The following SCN9A variants were observed in gnomAD, a reference collection of about 807,000 sequenced individuals.
The protein encoded by SCN9A is sodium voltage-gated channel alpha subunit 9, also known as sodium channel protein type 9 subunit alpha.
Under a neutral mutation model 187.0 loss-of-function variants are expected in SCN9A, and 131 were observed. The observed-to-expected ratio is 0.70, with a 90% CI of 0.61 to 0.81. The LOEUF is 0.81. Among genes scored for constraint, SCN9A ranks in the 30% least tolerant of loss-of-function variants. SCN9A has a pLI of 0.00. For missense variants in SCN9A, 2,252 were observed against 2,396.6 expected (o/e 0.94, Z 1.26); for synonymous variants, 809 against 808.6 (o/e 1.00, Z -0.01).
chr2:166,306,917 A>G, intron 3 of SCN9A, 39 bp downstream of exon 3: 7 of 1,179,170 alleles, frequency 5.9e-6, no homozygotes, highest in Non-Finnish European at 8.7e-6. Context: ...AAATTACACC[A>G]TAAAGTGCCA....
At chr2:166,236,806 C>T (rs1264785486) in intron 20 of SCN9A, among the ~76,000 whole-genome samples, 1 of 152,128 alleles carries the variant, frequency 6.6e-6, no homozygotes, top group African/African-American at 2.4e-5. Flanking sequence ...TAACATTTTG[C>T]AGTCAGATTT....
At position 166,375,679 on chromosome 2, in the gene SCN9A, A is replaced by C. The variant is rs932798558; in HGVS notation, c.-51+18T>G. On this transcript the variant is annotated intron_variant, in intron 1 of 26. Coordinates refer to ENST00000642356, the MANE Select transcript of SCN9A (RefSeq NM_001365536.1). The stretch of plus-strand genomic sequence containing the variant: ...CTCCTCCCCTCCCCACAGAAGCAGC[A>C]AAAGAAAAGGCACTTACTTGCAACC... 2.0e-5 allele frequency: 3 copies of C among 152,388 alleles called. No homozygotes were observed. The highest frequency in any genetic ancestry group is 4.4e-5 in the Non-Finnish European group (3 of 68,204). The allele number at this position is 152,388 out of a possible 1,614,324, so 9.4% of individuals were successfully genotyped here.
intron 24 of SCN9A, chr2:166,205,294 G>C (rs1693744048): frequency 6.6e-6 from 1 of 152,310 alleles, no homozygotes; most frequent in East Asian, 1.9e-4. Flanking sequence ...AAACAGCATG[G>C]TACTGGTACC....
chr2:166,312,889 C>T (rs12994880), intron 1 of SCN9A, among the ~76,000 whole-genome samples: 95,788 of 150,414 alleles, frequency 0.64, 31,154 homozygotes, highest in African/African-American at 0.75. Flanking sequence ...TGTAAACAGA[C>T]GTGCTGTCAT....
chr2:166,251,869 C>A lies in SCN9A; in HGVS notation c.3368G>T (p.Ser1123Ile). 2 of 1,612,392 alleles carry A rather than the reference C, an allele frequency of 1.2e-6. No individual in the cohort carries two copies. Among genetic ancestry groups the A allele is most frequent in the Non-Finnish European group, 1.7e-6 (2 of 1,179,000 alleles). Reference sequence around the variant, plus strand: ...ATCAACTGTGCTGCACTCTGAGGAGCTTGACCGGTTTAATCTCTAGAAAGG... The same window carrying A: ...ATCAACTGTGCTGCACTCTGAGGAGATTGACCGGTTTAATCTCTAGAAAGG... ...EYSKVRLNRS[S>I]SSECSTVDNP... The change falls in exon 18 of 27, where the codon AGC (serine) becomes ATC (isoleucine). Residue 1123 changes from serine (S) to isoleucine (I), a missense_variant. Transcript: ENST00000642356.
At chr2:166,255,553 A>G (rs995710842) in intron 17 of SCN9A, among the ~76,000 whole-genome samples, 1 of 151,486 alleles carries the variant, frequency 6.6e-6, no homozygotes, top group Non-Finnish European at 1.5e-5. Context: ...GCTCAAAAGA[A>G]GAAACTATCA....
At chr2:166,296,349 T>A (rs975169977) in intron 7 of SCN9A, among the ~76,000 whole-genome samples, 5 of 152,162 alleles carry the variant, frequency 3.3e-5, no homozygotes, top group Non-Finnish European at 5.9e-5. Context: ...ATTGATTGAA[T>A]TACACATCAT....
Position 166,286,540 on chromosome 2 carries a change from G to A in SCN9A, c.1398C>T (p.Ser466=), listed in dbSNP as rs201531206. The A allele has an allele frequency of 1.6e-3, 2,612 of 1,610,208 alleles. 23 individuals carry two copies. Among genetic ancestry groups the A allele is most frequent in the Non-Finnish European group, 1.0e-3 (1,174 of 1,178,740 alleles). Residue 466 remains serine, a synonymous_variant, in exon 11 of 27, where the codon TCC becomes TCT. Coordinates refer to ENST00000642356, the MANE Select transcript of SCN9A (RefSeq NM_001365536.1). ...CTTTAGCACTTTTAGAGCTCAGTTT[G>A]GATGTTTCAGAAGAACTCTCTGAGA... is the stretch of plus-strand genomic sequence containing the variant. ...MGLSESSSET[S]KLSSKSAKER...
chr2:166,340,560 TTCTTTCTTTCTTTC>T (rs1559050938), intron 1 of SCN9A, among the ~76,000 whole-genome samples: 2 of 79,996 alleles, frequency 2.5e-5, no homozygotes, highest in African/African-American at 1.8e-4. Flanking sequence ...CTTTCTTTCT[TTCTTTCTTTCTTTC>T]TTTCTTTCTT....
chr2:166,198,825 A>G lies in SCN9A; in HGVS notation c.5814T>C (p.Asn1938=). 2 of 1,613,448 alleles carry G rather than the reference A, an allele frequency of 1.2e-6. No homozygotes were observed. The highest frequency in any genetic ancestry group is 1.7e-5 in the Admixed American group (1 of 59,922). Residue 1938 remains asparagine, a synonymous_variant, in exon 27 of 27, where the codon AAT becomes AAC. Transcript: ENST00000642356. ...NKKDMAFDNV[N]ENSSPEKTDA... ...CTGTTTTTTCTGGACTTGAGTTCTCATTAACATTATCAAAAGCCATATCTT... is the reference window on the plus strand; with the variant it reads ...CTGTTTTTTCTGGACTTGAGTTCTCGTTAACATTATCAAAAGCCATATCTT...
chr2:166,209,476 G>C (rs1453749647), intron 24 of SCN9A, among the ~76,000 whole-genome samples: 3 of 151,792 alleles, frequency 2.0e-5, no homozygotes, highest in Non-Finnish European at 2.9e-5. Context: ...TGAAGGGAAA[G>C]AAACTATACA....
At chr2:166,306,812 G>T in intron 3 of SCN9A, 144 bp downstream of exon 3, 1 of 640,184 alleles carries the variant, frequency 1.6e-6, no homozygotes, top group Admixed American at 2.9e-5. Context: ...TGAGACCCAT[G>T]ACAAATTATA....
chr2:166,234,952 G>T (rs1281324468), intron 20 of SCN9A, among the ~76,000 whole-genome samples: 1 of 152,030 alleles, frequency 6.6e-6, no homozygotes, highest in African/African-American at 2.4e-5. Flanking sequence ...ACAAGAGTGG[G>T]TTTATTATAA....
chr2:166,339,309 T>C (rs1699708581), intron 1 of SCN9A, among the ~76,000 whole-genome samples: 1 of 152,116 alleles, frequency 6.6e-6, no homozygotes, highest in African/African-American at 2.4e-5. Flanking sequence ...AAACAAGTAA[T>C]AGCTGACTCT....
chr2:166,233,460 A>T lies in SCN9A; in HGVS notation c.3804T>A (p.Val1268=). 1 of 1,562,660 alleles carries T rather than the reference A, an allele frequency of 6.4e-7. No individual in the cohort carries two copies. Among genetic ancestry groups the T allele is most frequent in the Non-Finnish European group, 8.6e-7 (1 of 1,164,206 alleles). Reference sequence around the variant, plus strand: ...TGTTTGCCACTAAAGTAACCAAAGAAACCTATAAAAATAACATTTTCATTA... The same window carrying T: ...TGTTTGCCACTAAAGTAACCAAAGATACCTATAAAAATAACATTTTCATTA... ...WCWLDFLIVD[V]SLVTLVANTL... is the part of the protein sequence containing the mutation. The change falls in exon 21 of 27, where the codon GTT becomes GTA. Residue 1268 remains valine (V), a splice_region_variant and synonymous_variant. Coordinates refer to ENST00000642356, the MANE Select transcript of SCN9A (RefSeq NM_001365536.1).
At chr2:166,237,883 T>C (rs979463230) in intron 20 of SCN9A, among the ~76,000 whole-genome samples, 3 of 152,186 alleles carry the variant, frequency 2.0e-5, no homozygotes, top group African/African-American at 7.2e-5. Flanking sequence ...ACAGAAATAA[T>C]TTACATTTGT....
chr2:166,329,257 C>T (rs973342178), intron 1 of SCN9A, among the ~76,000 whole-genome samples: 3 of 152,048 alleles, frequency 2.0e-5, no homozygotes, highest in Non-Finnish European at 2.9e-5. Context: ...TAAATATTAT[C>T]GGTTCCTTAC....
chr2:166,228,992 A>G lies in SCN9A; in HGVS notation c.3925-20T>C. 6.3e-7 allele frequency: 1 copy of G among 1,595,904 alleles called. No individual in the cohort carries two copies. The highest frequency in any genetic ancestry group is 1.7e-5 in the Admixed American group (1 of 59,540). On this transcript the variant is annotated intron_variant, in intron 21 of 26. Coordinates refer to ENST00000642356, the MANE Select transcript of SCN9A (RefSeq NM_001365536.1). ...AACGACCTAGTATTCAAAAGAAAGAAAAGCATGATTAGGATTAGTAAGATG... is the reference window on the plus strand; with the variant it reads ...AACGACCTAGTATTCAAAAGAAAGAGAAGCATGATTAGGATTAGTAAGATG...
intron 1 of SCN9A, among the ~76,000 whole-genome samples, chr2:166,340,058 G>T (rs1254687063): frequency 6.6e-6 from 1 of 152,032 alleles, no homozygotes; most frequent in Non-Finnish European, 1.5e-5. Flanking sequence ...ACCTGGCTAG[G>T]GTTTACTCTA....
Sources: gnomAD v4.1 joint callset for allele counts (sites outside exome capture counted in the v4.1 genomes callset) on GRCh38, gnomAD v4.1.1 for gene constraint, MANE v1.5 for transcripts, NCBI Gene and HGNC (gene_info 2026-07-23, HGNC 2026-07-21) for gene names.